The following STAG1 variants were observed in gnomAD, a reference collection of about 807,000 sequenced individuals.
The protein encoded by STAG1 is STAG1 cohesin complex component.
Under a neutral mutation model 170.9 loss-of-function variants are expected in STAG1, and 26 were observed. The ratio of observed to expected loss-of-function variants is 0.15; its 90% CI spans 0.11 to 0.21. STAG1 has a LOEUF of 0.21. Among genes scored for constraint, STAG1 ranks in the 10% least tolerant of loss-of-function variants. The probability of loss-of-function intolerance (pLI) is 1.00; values close to 1 mark genes in which losing one functional copy is unlikely to be tolerated. For synonymous variants in STAG1, 514 were observed against 497.7 expected, an observed-to-expected ratio of 1.03 and a Z score of -0.44; for missense variants, 964 against 1,509.5, an observed-to-expected ratio of 0.64 and a Z score of 5.99.
chr3:136,530,584 G>A (rs989721912), intron 6 of STAG1, among the ~76,000 whole-genome samples: 3 of 151,904 alleles, frequency 2.0e-5, no homozygotes, highest in Non-Finnish European at 2.9e-5. Flanking sequence ...GACCACAATG[G>A]AATAAAACCA....
chr3:136,538,031 TAAAG>T (rs1346924892), intron 6 of STAG1, among the ~76,000 whole-genome samples: 3 of 152,104 alleles, frequency 2.0e-5, no homozygotes, highest in Non-Finnish European at 4.4e-5. Context: ...CTATTAAAAA[TAAAG>T]ATATACACCC....
chr3:136,689,268 T>C (rs1291742130), intron 1 of STAG1, among the ~76,000 whole-genome samples: 2 of 152,334 alleles, frequency 1.3e-5, no homozygotes, highest in South Asian at 2.1e-4. Context: ...TAAAATTCAA[T>C]TGCCAAACCT....
intron 1 of STAG1, among the ~76,000 whole-genome samples, chr3:136,724,184 T>C (rs1026429801): frequency 5.9e-5 from 9 of 152,012 alleles, no homozygotes; most frequent in East Asian, 1.9e-4. Flanking sequence ...GGGGAAAGGA[T>C]TGAGAAATCG....
At position 136,452,118 on chromosome 3, in the gene STAG1, T is replaced by A; in HGVS notation, c.1343A>T (p.Glu448Val). 1.2e-6 allele frequency: 2 copies of A among 1,613,424 alleles called. No individual in the cohort carries two copies. Among genetic ancestry groups the A allele is most frequent in the Non-Finnish European group, 1.7e-6 (2 of 1,179,808 alleles). ...TCCCCTCCTCTTTGCTAATGCTTCT[T>A]CTGCTTGTGGGTCATGTCTGCTAAA... ...KLFSRHDPQA[E>V]EALAKRRGRN... Residue 448 changes from glutamate to valine, a missense_variant, in exon 14 of 34, where the codon GAA (glutamate) becomes GTA (valine). Coordinates refer to ENST00000383202, the MANE Select transcript of STAG1 (RefSeq NM_005862.3).
intron 23 of STAG1, among the ~76,000 whole-genome samples, chr3:136,370,841 A>G (rs1937294493): frequency 6.6e-6 from 1 of 152,208 alleles, no homozygotes; most frequent in Admixed American, 6.5e-5. Context: ...GTGTCTTTAT[A>G]GCAGCATGAT....
chr3:136,500,069 C>G, intron 9 of STAG1, 154 bp downstream of exon 9: 1 of 562,498 alleles, frequency 1.8e-6, no homozygotes, highest in Non-Finnish European at 3.2e-6. Flanking sequence ...ACAATTTCTT[C>G]TATAGTTGTA....
intron 7 of STAG1, among the ~76,000 whole-genome samples, chr3:136,520,739 G>C (rs1286978121): frequency 6.6e-6 from 1 of 152,052 alleles, no homozygotes; most frequent in East Asian, 1.9e-4. Context: ...GTATGTTTAA[G>C]TTATTATAGC....
At chr3:136,570,393 A>T (rs974105391) in intron 4 of STAG1, among the ~76,000 whole-genome samples, 1 of 152,212 alleles carries the variant, frequency 6.6e-6, no homozygotes, top group African/African-American at 2.4e-5. Context: ...TACATTGCTG[A>T]ATATTATTTC....
chr3:136,631,098 G>T, intron 1 of STAG1, 117 bp from the exon 2 acceptor site: 1 of 515,014 alleles, frequency 1.9e-6, no homozygotes, highest in Non-Finnish European at 3.4e-6. Flanking sequence ...ACCCAAATGA[G>T]CTGAAAACCA....
At chr3:136,580,015 T>G (rs1224294963) in intron 4 of STAG1, among the ~76,000 whole-genome samples, 1 of 127,804 alleles carries the variant, frequency 7.8e-6, no homozygotes, top group Non-Finnish European at 1.6e-5. Context: ...GTCGCCAGGC[T>G]GGAGTCCAGT....
chr3:136,533,083 C>G (rs1389844466), intron 6 of STAG1, among the ~76,000 whole-genome samples: 1 of 151,974 alleles, frequency 6.6e-6, no homozygotes, highest in Non-Finnish European at 1.5e-5. Context: ...TACATTTTTT[C>G]AACATATAAA....
intron 22 of STAG1, among the ~76,000 whole-genome samples, chr3:136,396,236 G>C (rs1560084739): frequency 1.1e-5 from 1 of 88,270 alleles, no homozygotes; most frequent in African/African-American, 4.0e-5. Context: ...TTTTTTTTGA[G>C]ACAGAGTCTC....
intron 1 of STAG1, among the ~76,000 whole-genome samples, chr3:136,702,095 G>C (rs1349077578): frequency 2.0e-5 from 2 of 98,908 alleles, no homozygotes; most frequent in Admixed American, 8.9e-5. Context: ...GAGAGAGAGA[G>C]AGAGAGAGAG....
chr3:136,537,420 G>C (rs553581674), intron 6 of STAG1, among the ~76,000 whole-genome samples: 9 of 151,864 alleles, frequency 5.9e-5, no homozygotes, highest in African/African-American at 2.2e-4. Context: ...ATTCCTCACT[G>C]GTTTCTTAGG....
chr3:136,688,885 T>G (rs1942628115), intron 1 of STAG1, among the ~76,000 whole-genome samples: 1 of 152,176 alleles, frequency 6.6e-6, no homozygotes, highest in African/African-American at 2.4e-5. Flanking sequence ...AGGAAGAACC[T>G]GAGGCCAAAA....
chr3:136,670,419 T>C (rs1043351582), intron 1 of STAG1, among the ~76,000 whole-genome samples: 1 of 152,198 alleles, frequency 6.6e-6, no homozygotes, highest in African/African-American at 2.4e-5. Context: ...AGTACAATCA[T>C]TTTATAAGAA....
chr3:136,396,103 C>T (rs1964675), intron 22 of STAG1, among the ~76,000 whole-genome samples: 110,941 of 152,082 alleles, frequency 0.73, 40,501 homozygotes, highest in East Asian at 0.86. Context: ...GGTTTCATCA[C>T]GTTAGCCAGG....
intron 10 of STAG1, among the ~76,000 whole-genome samples, chr3:136,475,475 C>T (rs761084258): frequency 1.3e-5 from 2 of 152,074 alleles, no homozygotes; most frequent in Non-Finnish European, 2.9e-5. Flanking sequence ...GTACAAACCT[C>T]GCAACATCAC....
chr3:136,491,362 G>A (rs926918637), intron 9 of STAG1, among the ~76,000 whole-genome samples: 2 of 152,040 alleles, frequency 1.3e-5, no homozygotes, highest in South Asian at 2.1e-4. Context: ...AGAAAGGTCC[G>A]TCCATATCTT....
Sources: allele counts gnomAD v4.1 joint callset (sites outside exome capture counted in the v4.1 genomes callset), GRCh38; gene constraint gnomAD v4.1.1; transcripts MANE v1.5; gene names NCBI Gene and HGNC (gene_info 2026-07-23, HGNC 2026-07-21).